PRKCB: variants seen among roughly 807,000 people sequenced by gnomAD.
PRKCB encodes protein kinase C beta type.
PRKCB carries 13 observed loss-of-function variants against 81.5 expected under a neutral mutation model. That is an observed-to-expected ratio of 0.16 (90% confidence interval 0.10 to 0.25). PRKCB has a LOEUF of 0.25. Ranked by LOEUF, PRKCB falls within the 10% of genes least tolerant of loss-of-function variation. The pLI is 1.00. For synonymous variants in PRKCB, 335 were observed against 321.4 expected (o/e 1.04, Z -0.45); for missense variants, 509 against 875.7 (o/e 0.58, Z 5.29).
At chr16:23,897,102 C>G (rs1035526186) in intron 2 of PRKCB, among the ~76,000 whole-genome samples, 3 of 152,148 alleles carry the variant, frequency 2.0e-5, no homozygotes, top group Non-Finnish European at 4.4e-5. Context: ...ATACAAGCAC[C>G]TCCTGGAGAG....
At chr16:23,898,052 C>T (rs1411943489) in intron 2 of PRKCB, among the ~76,000 whole-genome samples, 6 of 148,690 alleles carry the variant, frequency 4.0e-5, no homozygotes, top group Non-Finnish European at 7.4e-5. Flanking sequence ...GCACATGCAC[C>T]ACCATGCCCG....
At chr16:23,887,663 T>C (rs1963225382) in intron 2 of PRKCB, among the ~76,000 whole-genome samples, 1 of 152,082 alleles carries the variant, frequency 6.6e-6, no homozygotes, top group Non-Finnish European at 1.5e-5. Context: ...AACATGAGAG[T>C]GAAGGTGTCT....
intron 2 of PRKCB, among the ~76,000 whole-genome samples, chr16:23,911,781 C>G (rs1963657523): frequency 6.7e-6 from 1 of 149,194 alleles, no homozygotes; most frequent in Admixed American, 6.7e-5. Context: ...TGTCCTTCTT[C>G]AAAGATACTG....
chr16:24,163,092 A>G (rs1967287904), intron 10 of PRKCB, among the ~76,000 whole-genome samples: 1 of 152,176 alleles, frequency 6.6e-6, no homozygotes, highest in East Asian at 1.9e-4. Context: ...CCTGGGAAAG[A>G]GAATCTGGTT....
intron 15 of PRKCB, among the ~76,000 whole-genome samples, chr16:24,186,877 G>A (rs1206188832): frequency 6.6e-6 from 1 of 152,224 alleles, no homozygotes; most frequent in Non-Finnish European, 1.5e-5. Context: ...CTGTGAATTA[G>A]TCTCAATCCC....
intron 3 of PRKCB, among the ~76,000 whole-genome samples, chr16:24,016,878 A>G (rs1965286986): frequency 6.6e-6 from 1 of 152,132 alleles, no homozygotes; most frequent in Non-Finnish European, 1.5e-5. Context: ...TCCTTCATAA[A>G]TTTCATATCA....
intron 2 of PRKCB, among the ~76,000 whole-genome samples, chr16:23,960,263 C>G (rs771307737): frequency 1.6e-4 from 25 of 152,066 alleles, no homozygotes; most frequent in Non-Finnish European, 1.6e-4. Flanking sequence ...ATACCCATAC[C>G]TCCTTGTTTT....
intron 2 of PRKCB, among the ~76,000 whole-genome samples, chr16:23,981,587 T>TCCC (rs1474307603): frequency 6.7e-5 from 10 of 149,558 alleles, no homozygotes; most frequent in African/African-American, 2.3e-4. Flanking sequence ...TTCCTTTCCT[T>TCCC]TCCTTCCCTT....
chr16:23,907,010 G>A (rs1310305952), intron 2 of PRKCB, among the ~76,000 whole-genome samples: 1 of 152,176 alleles, frequency 6.6e-6, no homozygotes, highest in Non-Finnish European at 1.5e-5. Flanking sequence ...GGGGGAAAGT[G>A]AGTGTCCCGT....
At chr16:24,160,045 T>C (rs1967229292) in intron 10 of PRKCB, among the ~76,000 whole-genome samples, 1 of 152,068 alleles carries the variant, frequency 6.6e-6, no homozygotes, top group Non-Finnish European at 1.5e-5. Context: ...TCACATCTAA[T>C]CTTCACAAAA....
rs192000117 is a variant in PRKCB at position 24,007,481 on chromosome 16, T to G, written c.288+18891T>G. On this transcript the variant is annotated intron_variant, in intron 3 of 16. Coordinates refer to ENST00000643927, the MANE Select transcript of PRKCB (RefSeq NM_002738.7). ...TCAAGTGAATTCTGCATGATTCTTC[T>G]GCTCTCATTTGCCACGGGCTGACTG... 6.6e-5 allele frequency among the ~76,000 whole-genome samples: 10 copies of G among 152,384 alleles called. No homozygotes were observed. The East Asian group carries it at 1.9e-3, about 29-fold the overall frequency.
chr16:23,857,173 T>C (rs1962581696), intron 2 of PRKCB, among the ~76,000 whole-genome samples: 1 of 152,046 alleles, frequency 6.6e-6, no homozygotes, highest in African/African-American at 2.4e-5. Context: ...GTATAAGAGG[T>C]TTTTAGAAAT....
At chr16:24,074,641 G>C (rs1966155817) in intron 5 of PRKCB, among the ~76,000 whole-genome samples, 1 of 152,220 alleles carries the variant, frequency 6.6e-6, no homozygotes, top group African/African-American at 2.4e-5. Flanking sequence ...CAGTGAGTCA[G>C]TGAGGATGTT....
chr16:23,876,302 A>C (rs1597222689), intron 2 of PRKCB, among the ~76,000 whole-genome samples: 1 of 152,246 alleles, frequency 6.6e-6, no homozygotes, highest in East Asian at 1.9e-4. Flanking sequence ...AAGTAGTACC[A>C]TGTGGCTGTG....
At chr16:24,015,461 C>T (rs940629482) in intron 3 of PRKCB, among the ~76,000 whole-genome samples, 6 of 152,112 alleles carry the variant, frequency 3.9e-5, no homozygotes, top group African/African-American at 1.4e-4. Flanking sequence ...GAACAGGTCA[C>T]GGGGGTTGAG....
At chr16:24,132,397 C>A (rs913749084) in intron 9 of PRKCB, among the ~76,000 whole-genome samples, 1 of 152,238 alleles carries the variant, frequency 6.6e-6, no homozygotes, top group African/African-American at 2.4e-5. Flanking sequence ...AGGATTCATT[C>A]ATTCAAGAAG....
At chr16:24,001,603 A>C (rs1283688908) in intron 3 of PRKCB, among the ~76,000 whole-genome samples, 2 of 152,248 alleles carry the variant, frequency 1.3e-5, no homozygotes, top group Admixed American at 6.5e-5. Flanking sequence ...TCTCAAAAAG[A>C]AATTGAAAAC....
chr16:23,859,226 T>G (rs8051317), intron 2 of PRKCB, among the ~76,000 whole-genome samples: 129,295 of 152,218 alleles, frequency 0.85, 55,028 homozygotes, highest in East Asian at 0.99. Context: ...GTCTGACTCC[T>G]AGGCTTGAAG....
intron 2 of PRKCB, among the ~76,000 whole-genome samples, chr16:23,942,076 T>C (rs1330931114): frequency 6.6e-6 from 1 of 152,164 alleles, no homozygotes; most frequent in African/African-American, 2.4e-5. Flanking sequence ...TCAACCAAAA[T>C]CAATAACTTT....
Sources: gnomAD v4.1 joint callset for allele counts (sites outside exome capture counted in the v4.1 genomes callset) on GRCh38, gnomAD v4.1.1 for gene constraint, MANE v1.5 for transcripts, NCBI Gene and HGNC (gene_info 2026-07-23, HGNC 2026-07-21) for gene names.